ATP6AP1: variants seen among roughly 807,000 people sequenced by gnomAD.
ATP6AP1 encodes ATPase H+ transporting accessory protein 1.
In ATP6AP1, 1 loss-of-function variant was observed where a neutral mutation model predicts 32.0. That is an observed-to-expected ratio of 0.03 (90% confidence interval 0.01 to 0.15). The LOEUF (loss-of-function observed/expected upper bound fraction) is 0.15, where lower values mean the gene tolerates loss of function less well. Ranked by LOEUF, ATP6AP1 falls within the 10% of genes least tolerant of loss-of-function variation. The probability of loss-of-function intolerance (pLI) is 1.00; values close to 1 mark genes in which losing one functional copy is unlikely to be tolerated. For missense variants in ATP6AP1, 297 were observed against 398.8 expected (o/e 0.74, Z 2.17); for synonymous variants, 187 against 174.9 (o/e 1.07, Z -0.55).
intron 3 of ATP6AP1, 107 bp downstream of exon 3, chrX:154,432,011 T>G: frequency 1.1e-6 from 1 of 880,472 alleles, no homozygotes; most frequent in East Asian, 3.1e-5. Context: ...GGTCTGAGTC[T>G]CTTCTGGGTC....
rs1557196218 is a variant in ATP6AP1 at position 154,428,715 on chromosome X, C to T, written c.23C>T (p.Ala8Val). The T allele has an allele frequency of 1.7e-6, 2 of 1,150,172 alleles. No individual in the cohort carries two copies. Among genetic ancestry groups the T allele is most frequent in the African/African-American group, 3.7e-5 (2 of 54,374 alleles). The allele number at this position is 1,150,172 out of a possible 1,213,427, so 94.8% of individuals were successfully genotyped here. MMAAMAT[A>V]RVRMGPRCAQ... The stretch of plus-strand genomic sequence containing the variant: ...GCTATGATGGCGGCCATGGCGACGG[C>T]TCGAGTGCGGATGGGGCCGCGGTGC... Residue 8 changes from alanine to valine, a missense_variant, in exon 1 of 10, where the codon GCT becomes GTT. Physicochemically the swap from Ala to Val is moderately conservative, Grantham distance 64 (BLOSUM62 0). Coordinates refer to ENST00000369762, the MANE Select transcript of ATP6AP1 (RefSeq NM_001183.6).
In ATP6AP1 at chrX:154,436,254, T is replaced by C. The variant is rs2068719123; in HGVS notation, c.*363T>C. ...AGCAAATGCTCCCTCCTTAAGGTTA[T>C]AGGGCTCCCTGAGTTTGGGAGTGTG... On this transcript the variant is annotated 3_prime_UTR_variant, in exon 10 of 10. Coordinates refer to ENST00000369762, the MANE Select transcript of ATP6AP1 (RefSeq NM_001183.6). The C allele has an allele frequency of 4.6e-6, 1 of 215,462 alleles. No homozygotes were observed. Among genetic ancestry groups the C allele is most frequent in the Non-Finnish European group, 8.4e-6 (1 of 118,415 alleles). 17.8% of individuals were successfully genotyped at this position (215,462 alleles called of 1,213,427 possible). A position where few individuals can be genotyped will look rare whatever the true frequency, so the allele number is the denominator to read the frequency against.
intron 5 of ATP6AP1, 103 bp downstream of exon 5, chrX:154,433,074 C>A: frequency 2.0e-6 from 2 of 992,059 alleles, no homozygotes; most frequent in East Asian, 6.3e-5. Flanking sequence ...CCCAGGGTGG[C>A]CCGCCTGCTT....
chrX:154,434,793 G>T (rs781903025), intron 7 of ATP6AP1, among the ~76,000 whole-genome samples: 2 of 111,789 alleles, frequency 1.8e-5, no homozygotes, highest in South Asian at 3.7e-4. Context: ...GCCATTTATG[G>T]GGCAACCATG....
At position 154,436,028 on chromosome X, in the gene ATP6AP1, C is replaced by T. The variant is rs2068717903; in HGVS notation, c.*137C>T. The T allele has an allele frequency of 5.0e-6, 3 of 599,380 alleles. No homozygotes were observed. The African/African-American group carries it at 6.7e-5, about 13-fold the overall frequency. 49.4% of individuals were successfully genotyped at this position (599,380 alleles called of 1,213,427 possible). ...AAGCTCCCCTCAGCCCATCTTGCTC[C>T]CTCTTCAGCCCGCTGAGGAGCTTTC... is the stretch of plus-strand genomic sequence containing the variant. On this transcript the variant is annotated 3_prime_UTR_variant, in exon 10 of 10. Coordinates refer to ENST00000369762, the MANE Select transcript of ATP6AP1 (RefSeq NM_001183.6).
In ATP6AP1 at chrX:154,435,094, GC is replaced by G. The variant is rs1411457012; in HGVS notation, c.924-42del. 7 of 1,185,726 alleles carry G rather than the reference GC, an allele frequency of 5.9e-6. No homozygotes were observed. The Admixed American group carries it at 6.8e-5, about 12-fold the overall frequency. Reference sequence around the variant, plus strand: ...AACTTGTTCCTCTAAGATGCCAAAGGCCCTCCCAGAGCCTCACAGTGCGCCT... The same window carrying G: ...AACTTGTTCCTCTAAGATGCCAAAGGCCTCCCAGAGCCTCACAGTGCGCCT... On this transcript the variant is annotated intron_variant, in intron 7 of 9. Coordinates refer to ENST00000369762, the MANE Select transcript of ATP6AP1 (RefSeq NM_001183.6).
Position 154,435,515 on chromosome X carries a change from G to A in ATP6AP1, c.1203+10G>A, listed in dbSNP as rs782533572. ...GCTTCAGGACTTCCAGGTATGGAGCGGGCGTGGCCCAGCTTCAGGTGGGGG... is the reference window on the plus strand; with the variant it reads ...GCTTCAGGACTTCCAGGTATGGAGCAGGCGTGGCCCAGCTTCAGGTGGGGG... On this transcript the variant is annotated intron_variant, in intron 9 of 9. Transcript: ENST00000369762. The A allele has an allele frequency of 5.8e-6, 7 of 1,207,624 alleles. No individual in the cohort carries two copies. The highest frequency in any genetic ancestry group is 7.8e-6 in the Non-Finnish European group (7 of 893,258).
At chrX:154,432,825 T>G in intron 4 of ATP6AP1, 106 bp from the exon 5 acceptor site, 3 of 958,526 alleles carry the variant, frequency 3.1e-6, no homozygotes, top group South Asian at 4.1e-5. Context: ...TGTGCAGGCT[T>G]GGTGCGTGGG....
In ATP6AP1 at chrX:154,435,835, A is replaced by G. The variant is rs1263408568; in HGVS notation, c.1357A>G (p.Met453Val). The change falls in exon 10 of 10, where the codon ATG (methionine) becomes GTG (valine). Residue 453 changes from methionine to valine, a missense_variant. Met to Val is a conservative substitution (Grantham distance 21). Coordinates refer to ENST00000369762, the MANE Select transcript of ATP6AP1 (RefSeq NM_001183.6). ...GCACATGATCCTCAGCCTCAAGACC[A>G]TGGATCGCTTTGATGACCACAAGGG... ...GLHMILSLKT[M>V]DRFDDHKGPT... 8.3e-7 allele frequency: 1 copy of G among 1,210,136 alleles called. No individual in the cohort carries two copies. Among genetic ancestry groups the G allele is most frequent in the Non-Finnish European group, 1.1e-6 (1 of 895,197 alleles).
rs1204639651 is a variant in ATP6AP1, at chrX:154,433,531, C to G, written c.599-104C>G. ...GATCCTCAGTGGAAAGTAAACACAC[C>G]ACTTTCAGATGGTCTAGAAGGTTTC... On this transcript the variant is annotated intron_variant, in intron 5 of 9. Coordinates refer to ENST00000369762, the MANE Select transcript of ATP6AP1 (RefSeq NM_001183.6). The G allele has an allele frequency of 3.6e-6, 3 of 837,096 alleles. No individual in the cohort carries two copies. In the African/African-American group the frequency reaches 6.1e-5, roughly 17 times the overall value. The allele number at this position is 837,096 out of a possible 1,213,427, so 69.0% of individuals were successfully genotyped here.
chrX:154,434,034 G>A (rs996747309), intron 6 of ATP6AP1, among the ~76,000 whole-genome samples, 174 bp from the exon 7 acceptor site: 3 of 111,599 alleles, frequency 2.7e-5, no homozygotes, highest in Non-Finnish European at 5.7e-5. Flanking sequence ...ATGTCATCAG[G>A]GTTTAGGGGG....
chrX:154,428,756 C>T lies in ATP6AP1; in HGVS notation c.64C>T (p.Arg22Cys), dbSNP rs1557196263. 8.8e-7 allele frequency: 1 copy of T among 1,137,343 alleles called. No homozygotes were observed. The highest frequency in any genetic ancestry group is 1.2e-6 in the Non-Finnish European group (1 of 864,811). 93.7% of individuals were successfully genotyped at this position (1,137,343 alleles called of 1,213,427 possible). ...MGPRCAQALW[R>C]MPWLPVFLSL... ...GCCGCGGTGCGCCCAGGCGCTCTGG[C>T]GCATGCCGTGGCTGCCGGTGTTTTT... is the stretch of plus-strand genomic sequence containing the variant. The change falls in exon 1 of 10, where the codon CGC (arginine) becomes TGC (cysteine). Residue 22 changes from arginine (R) to cysteine (C), a missense_variant. Arg to Cys is a radical substitution (Grantham distance 180). This residue lies in a region of ATP6AP1 where 142 missense variants were observed against 145.0 expected (regional missense o/e 0.98). Transcript: ENST00000369762.
intron 5 of ATP6AP1, 67 bp from the exon 6 acceptor site, chrX:154,433,568 G>A (rs782344187): frequency 9.6e-7 from 1 of 1,042,049 alleles, no homozygotes; most frequent in African/African-American, 1.9e-5. Flanking sequence ...AAAGCAGACA[G>A]TGGGGAGTGT....
Position 154,429,068 on chromosome X carries a change from C to G in ATP6AP1, c.182C>G (p.Ala61Gly), listed in dbSNP as rs782439500. 1 of 1,211,839 alleles carries G rather than the reference C, an allele frequency of 8.3e-7. No homozygotes were observed. Among genetic ancestry groups the G allele is most frequent in the South Asian group, 1.8e-5 (1 of 56,997 alleles). Reference protein sequence around the residue: ...SSDRDLWAPAADTHEGHITSD... With the variant: ...SSDRDLWAPAGDTHEGHITSD... The stretch of plus-strand genomic sequence containing the variant: ...GCCAGGGACTTGTGGGCTCCTGCGG[C>G]CGACACTCATGAAGGCCACATCACC... Residue 61 changes from alanine to glycine, a missense_variant, in exon 2 of 10, where the codon GCC becomes GGC. Around this residue, in one of 2 missense-constraint regions of ATP6AP1, gnomAD observed 142 missense variants for 145.0 expected, o/e 0.98. Transcript: ENST00000369762.
At chrX:154,432,027 T>C in intron 3 of ATP6AP1, 123 bp downstream of exon 3, 1 of 783,185 alleles carries the variant, frequency 1.3e-6, no homozygotes, top group Non-Finnish European at 1.9e-6. Flanking sequence ...GGGTCAACCA[T>C]CCCCCCCAAA....
intron 9 of ATP6AP1, 38 bp from the exon 10 acceptor site, chrX:154,435,644 C>T (rs890764219): frequency 8.3e-7 from 1 of 1,201,861 alleles, no homozygotes; most frequent in Non-Finnish European, 1.1e-6. Context: ...CTGGGCCTCC[C>T]AACGGTCCTT....
In ATP6AP1 at chrX:154,435,486, T is replaced by C. The variant is rs1557197531; in HGVS notation, c.1184T>C (p.Met395Thr). The C allele has an allele frequency of 8.3e-7, 1 of 1,211,403 alleles. No homozygotes were observed. Among genetic ancestry groups the C allele is most frequent in the Admixed American group, 2.2e-5 (1 of 46,081 alleles). The change falls in exon 9 of 10, where the codon ATG becomes ACG. Residue 395 changes from methionine to threonine, a missense_variant. This residue lies in a region of ATP6AP1 where 155 missense variants were observed against 253.8 expected (regional missense o/e 0.61). Transcript: ENST00000369762. ...VARTQPSPWQ[M>T]MLQDFQIQAF... ...CGCACGCAGCCCTCTCCCTGGCAGATGATGCTTCAGGACTTCCAGGTATGG... is the reference window on the plus strand; with the variant it reads ...CGCACGCAGCCCTCTCCCTGGCAGACGATGCTTCAGGACTTCCAGGTATGG...
intron 2 of ATP6AP1, chrX:154,430,602 C>T (rs1039126767): frequency 1.5e-4 from 17 of 112,017 alleles, no homozygotes; most frequent in African/African-American, 5.5e-4. Flanking sequence ...AGCTGACATT[C>T]TTGTGAGGGT....
chrX:154,434,891 G>T (rs1186942971), intron 7 of ATP6AP1, among the ~76,000 whole-genome samples: 3 of 111,690 alleles, frequency 2.7e-5, no homozygotes, highest in Non-Finnish European at 5.7e-5. Flanking sequence ...TGAGCTCAGG[G>T]GAACCAGAGG....
Sources: allele counts gnomAD v4.1 joint callset (sites outside exome capture counted in the v4.1 genomes callset), GRCh38; gene constraint gnomAD v4.1.1; regional missense constraint gnomAD v4.1.1; transcripts MANE v1.5; gene names NCBI Gene and HGNC (gene_info 2026-07-23, HGNC 2026-07-21).